Variants in LUZP2 observed in about 807,000 individuals in gnomAD.
LUZP2 encodes leucine zipper protein 2.
In LUZP2, 52 loss-of-function variants were observed where a neutral mutation model predicts 51.6. The observed-to-expected ratio is 1.01, with a 90% CI of 0.81 to 1.27. The LOEUF is 1.27. LUZP2 is among the 50% of genes most tolerant of loss of function. The pLI is 0.00. For synonymous variants in LUZP2, 154 were observed against 137.3 expected (o/e 1.12, Z -0.85); for missense variants, 436 against 395.4 (o/e 1.10, Z -0.87).
chr11:24,793,353 G>A (rs1388934731), intron 5 of LUZP2, among the ~76,000 whole-genome samples: 4 of 152,068 alleles, frequency 2.6e-5, no homozygotes, highest in Non-Finnish European at 5.9e-5. Flanking sequence ...AATCCCATGG[G>A]CCTGAATCTG....
intron 5 of LUZP2, among the ~76,000 whole-genome samples, chr11:24,875,436 C>CA (rs757513955): frequency 4.1e-4 from 58 of 140,584 alleles, no homozygotes; most frequent in Middle Eastern, 3.6e-3. Flanking sequence ...ATGAACTCAT[C>CA]CTTTTTTATG....
chr11:24,602,232 ATGTG>A (rs1273726737), intron 1 of LUZP2, among the ~76,000 whole-genome samples: 5 of 42,086 alleles, frequency 1.2e-4, no homozygotes, highest in Non-Finnish European at 5.7e-4. Flanking sequence ...ATGTACATAT[ATGTG>A]TATATATGTA....
intron 1 of LUZP2, among the ~76,000 whole-genome samples, chr11:24,707,531 G>A (rs947537893): frequency 1.4e-4 from 21 of 152,040 alleles, no homozygotes; most frequent in African/African-American, 2.9e-4. Context: ...TGGTTCTGGC[G>A]TCTGAGAAGT....
intron 9 of LUZP2, among the ~76,000 whole-genome samples, chr11:25,019,082 T>C (rs1590842156): frequency 6.6e-6 from 1 of 152,364 alleles, no homozygotes; most frequent in East Asian, 1.9e-4. Flanking sequence ...ATGAACTACC[T>C]TGACACATCA....
intron 5 of LUZP2, chr11:24,892,217 TA>T (rs1852877481): frequency 1.0e-6 from 1 of 985,346 alleles, no homozygotes. Flanking sequence ...GAAAAATGTG[TA>T]TTTCTCCCAG....
chr11:25,071,970 A>G (rs1859172499), intron 10 of LUZP2, among the ~76,000 whole-genome samples: 1 of 152,152 alleles, frequency 6.6e-6, no homozygotes, highest in African/African-American at 2.4e-5. Context: ...TGTGCATCTA[A>G]ACTATGTCAC....
intron 9 of LUZP2, among the ~76,000 whole-genome samples, chr11:25,041,972 A>T (rs1858076181): frequency 6.6e-6 from 1 of 152,186 alleles, no homozygotes; most frequent in Non-Finnish European, 1.5e-5. Flanking sequence ...ATGTCTGATG[A>T]TATGAGGTGG....
rs549704905 is a variant in LUZP2, at chr11:24,785,720, A to G, written c.396+22412A>G. On this transcript the variant is annotated intron_variant, in intron 5 of 11. Coordinates refer to ENST00000336930, the MANE Select transcript of LUZP2 (RefSeq NM_001009909.4). ...ATAAATCGTTATATCAAACAATACA[A>G]TTATGGCTAGGATGCTACATATGTG... 5.5e-5 allele frequency: 14 copies of G among 254,194 alleles called. No individual in the cohort carries two copies. In the East Asian group the frequency reaches 7.1e-4, roughly 13 times the overall value. 15.7% of individuals were successfully genotyped at this position (254,194 alleles called of 1,614,324 possible). A position where few individuals can be genotyped will look rare whatever the true frequency, so the allele number is the denominator to read the frequency against.
intron 9 of LUZP2, among the ~76,000 whole-genome samples, chr11:25,010,491 T>C (rs1044103922): frequency 2.0e-5 from 3 of 152,040 alleles, no homozygotes; most frequent in Admixed American, 1.3e-4. Flanking sequence ...GAGGTTACAG[T>C]GAGCCAAGAT....
chr11:24,774,362 C>CTATA (rs1554989374), intron 5 of LUZP2, among the ~76,000 whole-genome samples: 9 of 76,334 alleles, frequency 1.2e-4, no homozygotes, highest in African/African-American at 2.4e-4. Context: ...CTCTCTCTCT[C>CTATA]TATATATATA....
At chr11:25,028,748 C>T (rs1857567777) in intron 9 of LUZP2, among the ~76,000 whole-genome samples, 1 of 151,514 alleles carries the variant, frequency 6.6e-6, no homozygotes, top group Non-Finnish European at 1.5e-5. Context: ...ATTTGAAAAT[C>T]CAGTTCATCC....
At chr11:24,837,333 A>G (rs1235376173) in intron 5 of LUZP2, among the ~76,000 whole-genome samples, 1 of 151,690 alleles carries the variant, frequency 6.6e-6, no homozygotes, top group Non-Finnish European at 1.5e-5. Flanking sequence ...CTCATGATGA[A>G]TAGGATGTTG....
At chr11:24,719,452 GA>G (rs1276262823) in intron 1 of LUZP2, among the ~76,000 whole-genome samples, 4 of 152,102 alleles carry the variant, frequency 2.6e-5, no homozygotes, top group Admixed American at 2.0e-4. Flanking sequence ...GAAGTCAACA[GA>G]AAAAATTGAC....
chr11:24,712,373 G>T (rs148227904), intron 1 of LUZP2, among the ~76,000 whole-genome samples: 1 of 151,960 alleles, frequency 6.6e-6, no homozygotes, highest in Non-Finnish European at 1.5e-5. Flanking sequence ...TCACTCCACT[G>T]CACTTCAGCC....
In LUZP2 at chr11:24,914,546, T is replaced by C. The variant is rs1364776304; in HGVS notation, c.522+8T>C. On this transcript the variant is annotated splice_region_variant and intron_variant, in intron 7 of 11. Coordinates refer to ENST00000336930, the MANE Select transcript of LUZP2 (RefSeq NM_001009909.4). ...AAGGATTTATTATTTAAGGTGAGTC[T>C]CTTTTCTCTCTTTTCCCTGAAACTT... is the stretch of plus-strand genomic sequence containing the variant. 6.4e-7 allele frequency: 1 copy of C among 1,571,194 alleles called. No homozygotes were observed. Among genetic ancestry groups the C allele is most frequent in the East Asian group, 2.3e-5 (1 of 43,936 alleles).
rs868357731 is a variant in LUZP2, at chr11:24,602,142, G to C, written c.62+104837G>C. Among the ~76,000 whole-genome samples the C allele has an allele frequency of 1.2e-3, 99 of 83,926 alleles. 2 individuals are homozygous for C. The highest frequency in any genetic ancestry group is 4.7e-3 in the African/African-American group (96 of 20,328). 55.1% of individuals were successfully genotyped at this position (83,926 alleles called of 152,430 possible). A position where few individuals can be genotyped will look rare whatever the true frequency, so the allele number is the denominator to read the frequency against. ...TGTATATATGTATATGTGTATATAT[G>C]TATATATGTATATATGTATATATGT... On this transcript the variant is annotated intron_variant, in intron 1 of 11. Coordinates refer to ENST00000336930, the MANE Select transcript of LUZP2 (RefSeq NM_001009909.4).
intron 5 of LUZP2, among the ~76,000 whole-genome samples, chr11:24,817,006 G>A (rs763245276): frequency 3.3e-5 from 5 of 151,916 alleles, no homozygotes; most frequent in East Asian, 1.9e-4. Context: ...ATTTAGAAGC[G>A]TAAATTCTTA....
chr11:24,606,195 T>C (rs542280435), intron 1 of LUZP2, among the ~76,000 whole-genome samples: 55 of 152,014 alleles, frequency 3.6e-4, no homozygotes, highest in Non-Finnish European at 1.8e-4. Flanking sequence ...AAAGATGATC[T>C]CTAACTTATA....
intron 1 of LUZP2, among the ~76,000 whole-genome samples, chr11:24,621,310 A>G (rs1854486758): frequency 2.0e-5 from 3 of 152,222 alleles, no homozygotes; most frequent in Admixed American, 1.3e-4. Flanking sequence ...AAGGTCACAT[A>G]CCAATACTGC....
Sources: allele counts gnomAD v4.1 joint callset (sites outside exome capture counted in the v4.1 genomes callset), GRCh38; gene constraint gnomAD v4.1.1; transcripts MANE v1.5; gene names NCBI Gene and HGNC (gene_info 2026-07-23, HGNC 2026-07-21).